The following NADK2 variants were observed in gnomAD, a reference collection of about 807,000 sequenced individuals.
The protein encoded by NADK2 is NAD kinase 2, mitochondrial, also known as NAD kinase domain-containing protein 1, mitochondrial.
Under a neutral mutation model 62.1 loss-of-function variants are expected in NADK2, and 35 were observed. That is an observed-to-expected ratio of 0.56 (90% CI 0.43 to 0.75). NADK2 has a LOEUF of 0.75. NADK2 is among the 30% of genes least tolerant of loss of function. The pLI, the probability that NADK2 is intolerant of heterozygous loss-of-function variation, is 0.00. For missense variants in NADK2, 439 were observed against 561.3 expected (o/e 0.78, Z 2.20); for synonymous variants, 205 against 207.9 (o/e 0.99, Z 0.12).
rs182955062 is a variant in NADK2, at chr5:36,201,180, T to C, written c.957-19A>G. ...GAATGACCTAGAAACAAAAATCACATAATTCTTAGTTTTAATTCTAAAAAC... is the reference window on the plus strand; with the variant it reads ...GAATGACCTAGAAACAAAAATCACACAATTCTTAGTTTTAATTCTAAAAAC... On this transcript the variant is annotated intron_variant, in intron 8 of 11. Coordinates refer to ENST00000381937, the MANE Select transcript of NADK2 (RefSeq NM_001085411.3). 1 of 1,598,862 alleles carries C rather than the reference T, an allele frequency of 6.3e-7. No homozygotes were observed. Among genetic ancestry groups the C allele is most frequent in the East Asian group, 2.2e-5 (1 of 44,770 alleles).
intron 8 of NADK2, among the ~76,000 whole-genome samples, chr5:36,202,499 G>A (rs1467486986): frequency 6.6e-6 from 1 of 152,092 alleles, no homozygotes; most frequent in Non-Finnish European, 1.5e-5. Context: ...CATTTGCTGT[G>A]TAATACCACC....
At chr5:36,235,105 A>G (rs1270031751) in intron 1 of NADK2, among the ~76,000 whole-genome samples, 1 of 152,222 alleles carries the variant, frequency 6.6e-6, no homozygotes, top group Non-Finnish European at 1.5e-5. Flanking sequence ...GACTTCCTGG[A>G]TATTGCCAAT....
At chr5:36,230,545 T>C (rs1037562290) in intron 1 of NADK2, among the ~76,000 whole-genome samples, 6 of 152,266 alleles carry the variant, frequency 3.9e-5, no homozygotes, top group East Asian at 1.9e-4. Context: ...TTGTTTGCCA[T>C]TGTTCCTCAG....
intron 6 of NADK2, among the ~76,000 whole-genome samples, chr5:36,213,727 G>A (rs1426218696): frequency 6.7e-6 from 1 of 149,934 alleles, no homozygotes; most frequent in Non-Finnish European, 1.5e-5. Flanking sequence ...TCTCATTCTT[G>A]ACAGTTTTAC....
intron 3 of NADK2, among the ~76,000 whole-genome samples, chr5:36,226,163 A>T (rs1747475641): frequency 6.6e-6 from 1 of 152,176 alleles, no homozygotes; most frequent in African/African-American, 2.4e-5. Flanking sequence ...TCATCTCATT[A>T]AACTCTTTAT....
At chr5:36,214,207 G>A (rs1746960411) in intron 6 of NADK2, among the ~76,000 whole-genome samples, 1 of 152,000 alleles carries the variant, frequency 6.6e-6, no homozygotes, top group African/African-American at 2.4e-5. Flanking sequence ...TTGAGATGGA[G>A]TTTAGCTCTT....
Position 36,212,820 on chromosome 5 carries a change from C to T in NADK2, c.782-898G>A, listed in dbSNP as rs535408942. ...GTGGTAGGCAGGCTCCAAGCTGGTC[C>T]CCAGTGATTCCTGCCTCCCTGGTAT... On this transcript the variant is annotated intron_variant, in intron 6 of 11. Coordinates refer to ENST00000381937, the MANE Select transcript of NADK2 (RefSeq NM_001085411.3). Among the ~76,000 whole-genome samples, 416 of 152,230 alleles carry T rather than the reference C, an allele frequency of 2.7e-3. 2 individuals are homozygous for T. The highest frequency in any genetic ancestry group is 9.7e-3 in the African/African-American group (402 of 41,512).
chr5:36,234,545 A>T (rs188684201), intron 1 of NADK2, among the ~76,000 whole-genome samples: 7 of 152,296 alleles, frequency 4.6e-5, no homozygotes, highest in Non-Finnish European at 1.0e-4. Flanking sequence ...TTGTTTATGG[A>T]TACTGTCATA....
intron 4 of NADK2, chr5:36,221,947 TG>T (rs1747285574): frequency 6.6e-6 from 1 of 152,208 alleles, no homozygotes; most frequent in Admixed American, 6.5e-5. Context: ...TCAGCTAGAC[TG>T]GGGTTCTATC....
chr5:36,223,648 A>C (rs1233529838), intron 4 of NADK2, among the ~76,000 whole-genome samples: 1 of 152,220 alleles, frequency 6.6e-6, no homozygotes, highest in East Asian at 1.9e-4. Context: ...AAGGACTAAA[A>C]TATCCAGTAG....
chr5:36,201,031 G>T, intron 9 of NADK2, 75 bp downstream of exon 9: 1 of 1,246,160 alleles, frequency 8.0e-7, no homozygotes, highest in Non-Finnish European at 1.2e-6. Flanking sequence ...CAAGGTTTCA[G>T]CATTCACTGG....
chr5:36,208,061 TC>T (rs1277845668), intron 7 of NADK2, among the ~76,000 whole-genome samples: 1 of 152,086 alleles, frequency 6.6e-6, no homozygotes, highest in Non-Finnish European at 1.5e-5. Flanking sequence ...AATTTTTTTC[TC>T]CAGCAAATAA....
chr5:36,210,305 C>CA (rs981507423), intron 7 of NADK2, among the ~76,000 whole-genome samples: 1 of 151,956 alleles, frequency 6.6e-6, no homozygotes, highest in Admixed American at 6.6e-5. Flanking sequence ...AAATGTTTTC[C>CA]AAAAAAATTA....
chr5:36,232,075 C>T (rs531959242), intron 1 of NADK2, among the ~76,000 whole-genome samples: 172 of 152,176 alleles, frequency 1.1e-3, no homozygotes, highest in African/African-American at 3.9e-3. Context: ...ATCATGTCTC[C>T]CCACACAGCT....
chr5:36,196,202 G>A (rs1366245130), intron 11 of NADK2, among the ~76,000 whole-genome samples: 2 of 152,132 alleles, frequency 1.3e-5, no homozygotes, highest in East Asian at 3.9e-4. Context: ...TGTATGCTAT[G>A]TGCAGGTTTG....
intron 8 of NADK2, among the ~76,000 whole-genome samples, chr5:36,206,132 G>A (rs1447152659): frequency 6.6e-6 from 1 of 151,910 alleles, no homozygotes; most frequent in Non-Finnish European, 1.5e-5. Flanking sequence ...ATCACACACT[G>A]GGGCCTTTTG....
intron 7 of NADK2, among the ~76,000 whole-genome samples, chr5:36,208,091 G>A (rs1007100570): frequency 2.0e-5 from 3 of 152,012 alleles, no homozygotes; most frequent in Non-Finnish European, 4.4e-5. Flanking sequence ...CGATAAAACC[G>A]TAATAAAATA....
At chr5:36,227,794 C>A (rs147652143) in intron 1 of NADK2, among the ~76,000 whole-genome samples, 1 of 151,452 alleles carries the variant, frequency 6.6e-6, no homozygotes, top group Non-Finnish European at 1.5e-5. Flanking sequence ...ATATAGTCAC[C>A]AGGATCTCAA....
At chr5:36,215,088 G>C (rs1483373610) in intron 6 of NADK2, among the ~76,000 whole-genome samples, 3 of 152,062 alleles carry the variant, frequency 2.0e-5, no homozygotes, top group Non-Finnish European at 4.4e-5. Flanking sequence ...TCTGCAGAGG[G>C]TCCTAGACCC....
Sources: allele counts gnomAD v4.1 joint callset (sites outside exome capture counted in the v4.1 genomes callset), GRCh38; gene constraint gnomAD v4.1.1; transcripts MANE v1.5; gene names NCBI Gene and HGNC (gene_info 2026-07-23, HGNC 2026-07-21).